The following NKAIN2 variants were observed in gnomAD, a reference collection of about 807,000 sequenced individuals.
NKAIN2 encodes the protein sodium/potassium-transporting ATPase subunit beta-1-interacting protein 2.
A neutral mutation model predicts 32.6 loss-of-function variants in NKAIN2; 14 were observed. That is an observed-to-expected ratio of 0.43 (90% CI 0.28 to 0.67). NKAIN2 has a LOEUF of 0.67. NKAIN2 is among the 30% of genes least tolerant of loss of function. NKAIN2 has a pLI of 0.17. For synonymous variants in NKAIN2, 80 were observed against 87.2 expected (o/e 0.92, Z 0.46); for missense variants, 198 against 258.3 (o/e 0.77, Z 1.60).
chr6:124,709,269 A>G lies in NKAIN2; in HGVS notation c.474+50883A>G, dbSNP rs879654657. ...TATTTTATTGAGGATTTTTGCATCA[A>G]TGTTCATCAAGGATATTGGTCTAAA... On this transcript the variant is annotated intron_variant, in intron 4 of 6. Coordinates refer to ENST00000368417, the MANE Select transcript of NKAIN2 (RefSeq NM_001040214.3). 1.3e-3 allele frequency among the ~76,000 whole-genome samples: 197 copies of G among 149,028 alleles called. 4 individuals are homozygous for G. In the East Asian group the frequency reaches 0.035, roughly 26 times the overall value.
At chr6:123,935,632 C>T (rs1034170400) in intron 1 of NKAIN2, among the ~76,000 whole-genome samples, 1 of 151,856 alleles carries the variant, frequency 6.6e-6, no homozygotes. Context: ...TAAATATGTT[C>T]CAATACTATA....
intron 1 of NKAIN2, among the ~76,000 whole-genome samples, chr6:123,871,380 G>A (rs776370634): frequency 1.3e-5 from 2 of 152,092 alleles, no homozygotes; most frequent in East Asian, 1.9e-4. Flanking sequence ...CTTAGTTGCT[G>A]CTTCTTGGAG....
chr6:124,461,904 AT>A (rs1161882698), intron 3 of NKAIN2, among the ~76,000 whole-genome samples: 1 of 150,962 alleles, frequency 6.6e-6, no homozygotes, highest in Admixed American at 6.6e-5. Context: ...TGCTGGTTTG[AT>A]TGAGGTTAAT....
chr6:124,017,793 G>A (rs563347186), intron 1 of NKAIN2, among the ~76,000 whole-genome samples: 17 of 150,996 alleles, frequency 1.1e-4, no homozygotes, highest in African/African-American at 2.9e-4. Flanking sequence ...CCGACCCCCC[G>A]GCTGTTTTCC....
At chr6:124,711,947 G>A (rs1289039649) in intron 4 of NKAIN2, among the ~76,000 whole-genome samples, 1 of 152,080 alleles carries the variant, frequency 6.6e-6, no homozygotes, top group Non-Finnish European at 1.5e-5. Flanking sequence ...CATCTTTGTG[G>A]TTTTATCTAC....
At chr6:124,776,928 T>C (rs1486165321) in intron 4 of NKAIN2, among the ~76,000 whole-genome samples, 4 of 152,272 alleles carry the variant, frequency 2.6e-5, no homozygotes, top group African/African-American at 9.6e-5. Flanking sequence ...ATCTTAGTCG[T>C]AGCATATTTT....
At chr6:123,995,333 C>A (rs746358204) in intron 1 of NKAIN2, among the ~76,000 whole-genome samples, 21 of 152,022 alleles carry the variant, frequency 1.4e-4, no homozygotes, top group Non-Finnish European at 2.4e-4. Flanking sequence ...GAGGACCTGG[C>A]CTTTACAGAC....
At chr6:124,738,544 G>A (rs1025214252) in intron 4 of NKAIN2, among the ~76,000 whole-genome samples, 7 of 149,518 alleles carry the variant, frequency 4.7e-5, no homozygotes, top group African/African-American at 1.7e-4. Flanking sequence ...ATTTTACACT[G>A]CTCTTAATTA....
At chr6:123,861,747 T>C (rs144660214) in intron 1 of NKAIN2, among the ~76,000 whole-genome samples, 1 of 152,332 alleles carries the variant, frequency 6.6e-6, no homozygotes, top group African/African-American at 2.4e-5. Flanking sequence ...TTTTATTTTT[T>C]ATTTTTTCCT....
Position 124,397,931 on chromosome 6 carries a change from T to C in NKAIN2, c.273+42584T>C, listed in dbSNP as rs966358024. The stretch of plus-strand genomic sequence containing the variant: ...CCAGGTTCTCAGAGTTTATGGTGCT[T>C]AAAAATTCCTAGGGAATTTATTTAA... On this transcript the variant is annotated intron_variant, in intron 3 of 6. Transcript: ENST00000368417. 8.5e-5 allele frequency among the ~76,000 whole-genome samples: 13 copies of C among 152,158 alleles called. No homozygotes were observed. In the East Asian group the frequency reaches 2.5e-3, roughly 29 times the overall value.
At chr6:124,559,061 T>A (rs1780586499) in intron 3 of NKAIN2, among the ~76,000 whole-genome samples, 1 of 152,160 alleles carries the variant, frequency 6.6e-6, no homozygotes, top group South Asian at 2.1e-4. Flanking sequence ...AGAAAGCCAG[T>A]GTATACCAGG....
intron 1 of NKAIN2, among the ~76,000 whole-genome samples, chr6:123,874,634 A>C (rs1024945765): frequency 1.3e-5 from 2 of 152,170 alleles, no homozygotes; most frequent in Admixed American, 6.5e-5. Context: ...CTAGAAATAT[A>C]TATTTTTCAG....
chr6:123,826,323 A>G (rs1408574718), intron 1 of NKAIN2, among the ~76,000 whole-genome samples: 1 of 152,204 alleles, frequency 6.6e-6, no homozygotes, highest in Admixed American at 6.6e-5. Flanking sequence ...TATTAAGACA[A>G]GATCTGGAGA....
chr6:124,356,213 T>G (rs1798965560), intron 3 of NKAIN2, among the ~76,000 whole-genome samples: 1 of 152,058 alleles, frequency 6.6e-6, no homozygotes, highest in Non-Finnish European at 1.5e-5. Flanking sequence ...CCAAGAGAGC[T>G]AAAAAAAATT....
At chr6:124,706,178 G>A (rs1212881283) in intron 4 of NKAIN2, among the ~76,000 whole-genome samples, 23 of 151,978 alleles carry the variant, frequency 1.5e-4, no homozygotes, top group Admixed American at 1.5e-3. Flanking sequence ...TGAATTGAAT[G>A]ATAATTAATA....
intron 4 of NKAIN2, among the ~76,000 whole-genome samples, chr6:124,724,695 A>T (rs1342365577): frequency 6.6e-6 from 1 of 152,240 alleles, no homozygotes; most frequent in Non-Finnish European, 1.5e-5. Context: ...AGAATTAAGG[A>T]TGAGGATTAT....
chr6:124,238,171 G>C (rs764882149), intron 1 of NKAIN2, among the ~76,000 whole-genome samples: 28 of 151,850 alleles, frequency 1.8e-4, no homozygotes, highest in African/African-American at 6.3e-4. Flanking sequence ...GGTTAGCCAG[G>C]GGGGAAGAAA....
chr6:124,707,070 T>C (rs2114588020), intron 4 of NKAIN2, among the ~76,000 whole-genome samples: 1 of 143,664 alleles, frequency 7.0e-6, no homozygotes, highest in Middle Eastern at 3.6e-3. Flanking sequence ...AATTCCCACC[T>C]ATGAGTGAGA....
chr6:124,315,378 A>T (rs1483237584), intron 2 of NKAIN2, among the ~76,000 whole-genome samples: 1 of 152,160 alleles, frequency 6.6e-6, no homozygotes. Context: ...AATAGTTACA[A>T]TGTCAGAGAA....
Sources: gnomAD v4.1 joint callset for allele counts (sites outside exome capture counted in the v4.1 genomes callset) on GRCh38, gnomAD v4.1.1 for gene constraint, MANE v1.5 for transcripts, NCBI Gene and HGNC (gene_info 2026-07-23, HGNC 2026-07-21) for gene names.